The following DSCAM variants were observed in gnomAD, a reference collection of about 807,000 sequenced individuals.
DSCAM encodes DS cell adhesion molecule.
Under a neutral mutation model 217.7 loss-of-function variants are expected in DSCAM, and 47 were observed. The observed-to-expected ratio is 0.22, with a 90% CI of 0.17 to 0.28. DSCAM has a LOEUF of 0.28. DSCAM is among the 10% of genes least tolerant of loss of function. The probability of loss-of-function intolerance (pLI) is 1.00; values close to 1 mark genes in which losing one functional copy is unlikely to be tolerated. For missense variants in DSCAM, 2,080 were observed against 2,618.3 expected (o/e 0.79, Z 4.49); for synonymous variants, 1,056 against 1,015.3 (o/e 1.04, Z -0.76).
At chr21:40,446,124 T>C (rs2075673130) in intron 3 of DSCAM, among the ~76,000 whole-genome samples, 1 of 152,236 alleles carries the variant, frequency 6.6e-6, no homozygotes, top group African/African-American at 2.4e-5. Context: ...CAAGAAGTGA[T>C]GTCAAGAATA....
intron 3 of DSCAM, among the ~76,000 whole-genome samples, chr21:40,395,342 T>G (rs1458239117): frequency 6.6e-6 from 1 of 151,988 alleles, no homozygotes; most frequent in East Asian, 1.9e-4. Context: ...TCTGTATTTT[T>G]TTTTTTCTTT....
intron 32 of DSCAM, among the ~76,000 whole-genome samples, chr21:40,039,074 C>G (rs556859288): frequency 5.3e-5 from 8 of 151,348 alleles, no homozygotes; most frequent in Admixed American, 1.3e-4. Context: ...GCTAGATGAC[C>G]AGTTAGTGGG....
At chr21:40,068,607 C>T (rs2089245203) in intron 27 of DSCAM, among the ~76,000 whole-genome samples, 1 of 152,034 alleles carries the variant, frequency 6.6e-6, no homozygotes, top group Non-Finnish European at 1.5e-5. Flanking sequence ...ATTGATAAAC[C>T]TTTAGAGCTT....
chr21:40,477,910 G>C (rs958905052), intron 3 of DSCAM, among the ~76,000 whole-genome samples: 5 of 152,056 alleles, frequency 3.3e-5, no homozygotes, highest in African/African-American at 1.2e-4. Flanking sequence ...TAGCCCAGCT[G>C]AATCATCACC....
intron 11 of DSCAM, among the ~76,000 whole-genome samples, chr21:40,257,745 A>AT (rs1287076492): frequency 1.3e-5 from 2 of 152,088 alleles, no homozygotes; most frequent in Non-Finnish European, 2.9e-5. Context: ...CCAAACGTTA[A>AT]TTTTTTTAAT....
chr21:40,307,468 C>T (rs2074091540), intron 9 of DSCAM, among the ~76,000 whole-genome samples: 1 of 152,164 alleles, frequency 6.6e-6, no homozygotes, highest in African/African-American at 2.4e-5. Context: ...AATAGGAACA[C>T]TTTTACACTG....
intron 3 of DSCAM, among the ~76,000 whole-genome samples, chr21:40,405,781 G>A (rs1479610996): frequency 6.6e-6 from 1 of 152,174 alleles, no homozygotes; most frequent in Non-Finnish European, 1.5e-5. Context: ...TGGATCACTT[G>A]AGGTCAGGAG....
chr21:40,598,380 T>TC (rs1384633846), intron 3 of DSCAM, among the ~76,000 whole-genome samples: 2 of 152,182 alleles, frequency 1.3e-5, no homozygotes, highest in Admixed American at 1.3e-4. Context: ...TAGTAAACAT[T>TC]CATGTGCAGA....
intron 3 of DSCAM, among the ~76,000 whole-genome samples, chr21:40,376,731 G>GATATCTATATATCATATATATC (rs1569093340): frequency 6.4e-5 from 9 of 140,416 alleles, no homozygotes; most frequent in South Asian, 2.2e-4. Flanking sequence ...TCATATATAT[G>GATATCTATATATCATATATATC]ATATATATAA....
chr21:40,829,936 AT>A (rs1223534473), intron 1 of DSCAM, among the ~76,000 whole-genome samples: 1 of 151,986 alleles, frequency 6.6e-6, no homozygotes, highest in South Asian at 2.1e-4. Context: ...ATATTGCCAC[AT>A]TTTTTCCCAC....
chr21:40,694,562 G>T (rs4818164), intron 2 of DSCAM, among the ~76,000 whole-genome samples: 9,444 of 152,030 alleles, frequency 0.062, 293 homozygotes, highest in Middle Eastern at 0.079. Context: ...AACATTAGCC[G>T]TTTTTCCCCA....
chr21:40,809,698 A>G (rs1384629851), intron 1 of DSCAM, among the ~76,000 whole-genome samples: 1 of 152,180 alleles, frequency 6.6e-6, no homozygotes, highest in Non-Finnish European at 1.5e-5. Context: ...TCTTTGTTAT[A>G]TTCATAGCAA....
chr21:40,587,904 C>A (rs2076958014), intron 3 of DSCAM, among the ~76,000 whole-genome samples: 1 of 152,104 alleles, frequency 6.6e-6, no homozygotes, highest in South Asian at 2.1e-4. Flanking sequence ...TTAATCCCTG[C>A]CAACAGTCAT....
chr21:40,128,876 GT>G (rs2090125761), intron 19 of DSCAM, among the ~76,000 whole-genome samples: 1 of 152,086 alleles, frequency 6.6e-6, no homozygotes, highest in Non-Finnish European at 1.5e-5. Flanking sequence ...CATTTGTATT[GT>G]TTTAACGTGT....
At chr21:40,115,415 G>A (rs905968860) in intron 20 of DSCAM, among the ~76,000 whole-genome samples, 2 of 152,144 alleles carry the variant, frequency 1.3e-5, no homozygotes, top group African/African-American at 4.8e-5. Flanking sequence ...AGCCTGTTGT[G>A]GGGTGCGGGG....
intron 1 of DSCAM, among the ~76,000 whole-genome samples, chr21:40,757,892 A>G (rs2091291779): frequency 6.6e-6 from 1 of 152,212 alleles, no homozygotes; most frequent in Admixed American, 6.5e-5. Context: ...GTGTCCCCCT[A>G]AAAGGTAAGT....
rs1176089628 is a variant in DSCAM at position 40,144,100 on chromosome 21, G to GA, written c.3259+390dup. Among the ~76,000 whole-genome samples, 1 of 116,804 alleles carries GA rather than the reference G, an allele frequency of 8.6e-6. No individual in the cohort carries two copies. The highest frequency in any genetic ancestry group is 2.1e-5 in the Non-Finnish European group (1 of 46,534). The allele number at this position is 116,804 out of a possible 152,430, so 76.6% of individuals were successfully genotyped here. A position where few individuals can be genotyped will look rare whatever the true frequency, so the allele number is the denominator to read the frequency against. ...AGAATGCTTGAAAATAGGAAACAATGAAAAATAAAATAAATTTTAAAAAAC... is the reference window on the plus strand; with the variant it reads ...AGAATGCTTGAAAATAGGAAACAATGAAAAAATAAAATAAATTTTAAAAAAC... On this transcript the variant is annotated intron_variant, in intron 17 of 32. Coordinates refer to ENST00000400454, the MANE Select transcript of DSCAM (RefSeq NM_001389.5). The surrounding 1 kb of genome is among the most constrained non-coding windows in gnomAD (Gnocchi z 4.8).
At chr21:40,471,560 C>T (rs1285762922) in intron 3 of DSCAM, among the ~76,000 whole-genome samples, 3 of 152,266 alleles carry the variant, frequency 2.0e-5, no homozygotes, top group South Asian at 2.1e-4. Flanking sequence ...GATCAGCTGG[C>T]TATGATTTTT....
At chr21:40,152,591 C>T (rs1423983751) in intron 16 of DSCAM, among the ~76,000 whole-genome samples, 2 of 152,208 alleles carry the variant, frequency 1.3e-5, no homozygotes, top group Admixed American at 1.3e-4. Context: ...CTTCCAAATC[C>T]CTCCCAACCT....
Sources: allele counts gnomAD v4.1 joint callset (sites outside exome capture counted in the v4.1 genomes callset), GRCh38; gene constraint gnomAD v4.1.1; non-coding constraint Gnocchi (gnomAD v3.1); transcripts MANE v1.5; gene names NCBI Gene and HGNC (gene_info 2026-07-23, HGNC 2026-07-21).